The following M1AP variants were observed in gnomAD, a reference collection of about 807,000 sequenced individuals.
M1AP encodes the protein meiosis 1 associated protein.
M1AP carries 39 observed loss-of-function variants against 51.2 expected under a neutral mutation model. The ratio of observed to expected loss-of-function variants is 0.76; its 90% CI spans 0.59 to 1.00. M1AP has a LOEUF of 1.00. M1AP is among the 50% of genes least tolerant of loss of function. M1AP has a pLI of 0.00. For missense variants in M1AP, 545 were observed against 641.2 expected, an observed-to-expected ratio of 0.85 and a Z score of 1.62; for synonymous variants, 251 against 249.2, an observed-to-expected ratio of 1.01 and a Z score of -0.07.
In M1AP at chr2:74,583,078, AAAAC is replaced by A. The variant is rs200154429; in HGVS notation, c.596-1235_596-1232del. Among the ~76,000 whole-genome samples, 756 of 152,010 alleles carry A rather than the reference AAAAC, an allele frequency of 5.0e-3. 7 individuals are homozygous for A. The highest frequency in any genetic ancestry group is 0.017 in the African/African-American group (704 of 41,510). On this transcript the variant is annotated intron_variant, in intron 4 of 10. Transcript: ENST00000421985. The stretch of plus-strand genomic sequence containing the variant: ...ACATGGGAGAAAGAAATCCACTGTA[AAAAC>A]AAACAAACAAACAACCCCAAAACAT...
rs564673819 is a variant in M1AP, at chr2:74,575,645, T to G, written c.933-66A>C. ...TCTAGAACCTCCACCTAGATCCACTTCAATTCAGCTTAACTCTAAGACAGT... is the reference window on the plus strand; with the variant it reads ...TCTAGAACCTCCACCTAGATCCACTGCAATTCAGCTTAACTCTAAGACAGT... On this transcript the variant is annotated intron_variant, in intron 6 of 10. Coordinates refer to ENST00000421985, the MANE Select transcript of M1AP (RefSeq NM_001321739.2). The G allele has an allele frequency of 3.2e-5, 40 of 1,264,396 alleles. No individual in the cohort carries two copies. In the African/African-American group the frequency reaches 4.9e-4, roughly 15 times the overall value. The allele number at this position is 1,264,396 out of a possible 1,614,324, so 78.3% of individuals were successfully genotyped here.
At chr2:74,634,294 A>G (rs1682855876) in intron 2 of M1AP, among the ~76,000 whole-genome samples, 1 of 152,232 alleles carries the variant, frequency 6.6e-6, no homozygotes, top group African/African-American at 2.4e-5. Flanking sequence ...AGGCAATTTC[A>G]TAAGGGCAAA....
At chr2:74,561,125 A>AG in intron 8 of M1AP, among the ~76,000 whole-genome samples, 5 of 128,956 alleles carry the variant, frequency 3.9e-5, no homozygotes, top group Admixed American at 1.5e-4. Context: ...GAGGAGGAGG[A>AG]GAAGGAGGAG....
intron 7 of M1AP, among the ~76,000 whole-genome samples, chr2:74,573,167 C>G (rs987524977): frequency 6.6e-6 from 1 of 151,530 alleles, no homozygotes; most frequent in Non-Finnish European, 1.5e-5. Flanking sequence ...CTGCCTCAGC[C>G]TCCCAAGTAG....
chr2:74,610,004 A>AT (rs200540345), intron 3 of M1AP, among the ~76,000 whole-genome samples: 7,069 of 145,860 alleles, frequency 0.048, 494 homozygotes, highest in African/African-American at 0.16. Flanking sequence ...ACTTCACTCT[A>AT]TTTTTTTTTT....
chr2:74,645,492 T>TTA (rs1683555597), intron 1 of M1AP, among the ~76,000 whole-genome samples: 1 of 152,192 alleles, frequency 6.6e-6, no homozygotes, highest in Admixed American at 6.5e-5. Flanking sequence ...GAGGACTAGC[T>TTA]TAAACAGGGC....
intron 2 of M1AP, among the ~76,000 whole-genome samples, chr2:74,630,745 TTG>T (rs1363442621): frequency 1.3e-5 from 2 of 152,188 alleles, no homozygotes; most frequent in Non-Finnish European, 2.9e-5. Context: ...TGATGGGCAC[TTG>T]GGTTGGTTCC....
At chr2:74,617,380 A>C (rs1444850406) in intron 2 of M1AP, among the ~76,000 whole-genome samples, 1 of 152,244 alleles carries the variant, frequency 6.6e-6, no homozygotes, top group Non-Finnish European at 1.5e-5. Flanking sequence ...TTGTGATGAC[A>C]TATTACTATG....
At position 74,589,053 on chromosome 2, in the gene M1AP, C is replaced by T. The variant is rs554232115; in HGVS notation, c.596-7206G>A. Among the ~76,000 whole-genome samples the T allele has an allele frequency of 2.3e-4, 35 of 152,136 alleles. 2 individuals carry two copies. The East Asian group carries it at 6.0e-3, about 26-fold the overall frequency. On this transcript the variant is annotated intron_variant, in intron 4 of 10. Transcript: ENST00000421985. Reference sequence around the variant, plus strand: ...GATACTATGAAGAAAAATAAAGGGGCGTGTGTGTGTGCACGCGCGCGCGTG... The same window carrying T: ...GATACTATGAAGAAAAATAAAGGGGTGTGTGTGTGTGCACGCGCGCGCGTG...
At chr2:74,596,769 T>G (rs1187680212) in intron 4 of M1AP, among the ~76,000 whole-genome samples, 1 of 152,214 alleles carries the variant, frequency 6.6e-6, no homozygotes, top group Non-Finnish European at 1.5e-5. Context: ...GACACATTCA[T>G]GCAATATACC....
chr2:74,640,456 C>T (rs893851535), intron 1 of M1AP, 129 bp from the exon 2 acceptor site: 17 of 764,022 alleles, frequency 2.2e-5, no homozygotes, highest in Non-Finnish European at 3.2e-5. Context: ...CTTGTCCAGG[C>T]CATCCTATTT....
At chr2:74,580,935 A>C (rs1679366013) in intron 5 of M1AP, among the ~76,000 whole-genome samples, 1 of 152,100 alleles carries the variant, frequency 6.6e-6, no homozygotes, top group Non-Finnish European at 1.5e-5. Context: ...GATTAGACTG[A>C]TAGATGGGCC....
At chr2:74,567,058 A>T (rs1205434868) in intron 7 of M1AP, among the ~76,000 whole-genome samples, 2 of 152,262 alleles carry the variant, frequency 1.3e-5, no homozygotes. Flanking sequence ...ACTATACAGC[A>T]AGATTTGGTA....
chr2:74,569,596 A>C (rs1306259256), intron 7 of M1AP, among the ~76,000 whole-genome samples: 1 of 151,750 alleles, frequency 6.6e-6, no homozygotes, highest in African/African-American at 2.4e-5. Context: ...GCTGGTCTTG[A>C]ACTCCTAACC....
rs530524691 is a variant in M1AP at position 74,629,726 on chromosome 2, C to T, written c.240+10310G>A. ...GAGAACATGCCACTGCACTCTAGCCCGGGCGGCAGAGCAAGATTCTGTCTC... is the reference window on the plus strand; with the variant it reads ...GAGAACATGCCACTGCACTCTAGCCTGGGCGGCAGAGCAAGATTCTGTCTC... On this transcript the variant is annotated intron_variant, in intron 2 of 10. Transcript: ENST00000421985. 2.2e-4 allele frequency among the ~76,000 whole-genome samples: 33 copies of T among 151,134 alleles called. No individual in the cohort carries two copies. The East Asian group carries it at 2.7e-3, about 12-fold the overall frequency.
At chr2:74,634,819 A>G (rs1682892303) in intron 2 of M1AP, among the ~76,000 whole-genome samples, 1 of 152,118 alleles carries the variant, frequency 6.6e-6, no homozygotes, top group Non-Finnish European at 1.5e-5. Context: ...TATTGAACCA[A>G]TTTTGCATCC....
At chr2:74,616,805 T>A (rs1442968648) in intron 2 of M1AP, among the ~76,000 whole-genome samples, 1 of 152,256 alleles carries the variant, frequency 6.6e-6, no homozygotes, top group Non-Finnish European at 1.5e-5. Flanking sequence ...CTCTTAATAA[T>A]TGGAAATATT....
chr2:74,602,242 A>T (rs1306043131), intron 4 of M1AP, among the ~76,000 whole-genome samples: 1 of 152,154 alleles, frequency 6.6e-6, no homozygotes, highest in African/African-American at 2.4e-5. Context: ...TTGTCAAAAA[A>T]CATTTATTGA....
chr2:74,606,083 T>A (rs892433991), intron 4 of M1AP, among the ~76,000 whole-genome samples: 1 of 152,122 alleles, frequency 6.6e-6, no homozygotes, highest in Non-Finnish European at 1.5e-5. Flanking sequence ...CAGAGGTCAC[T>A]GGATGGCTGG....
Sources: gnomAD v4.1 joint callset for allele counts (sites outside exome capture counted in the v4.1 genomes callset) on GRCh38, gnomAD v4.1.1 for gene constraint, MANE v1.5 for transcripts, NCBI Gene and HGNC (gene_info 2026-07-23, HGNC 2026-07-21) for gene names.